Variants in ZNF705B observed in about 807,000 individuals in gnomAD.
ZNF705B encodes Putative zinc finger protein 705D-like protein LOC100132396.
ZNF705B carries 1 observed loss-of-function variant against 10.5 expected under a neutral mutation model. That is an observed-to-expected ratio of 0.10 (90% CI 0.03 to 0.45). The LOEUF is 0.45. Ranked by LOEUF, ZNF705B falls within the 20% of genes least tolerant of loss-of-function variation. The pLI is 0.97. For missense variants in ZNF705B, 14 were observed against 84.0 expected (o/e 0.17, Z 3.26); for synonymous variants, 4 against 25.4 (o/e 0.16, Z 2.53).
In ZNF705B at chr8:7,937,647, T is replaced by G. The variant is rs1217506494; in HGVS notation, c.-72+7211T>G. Among the ~76,000 whole-genome samples, 2 of 119,828 alleles carry G rather than the reference T, an allele frequency of 1.7e-5. 1 individual carries two copies. The highest frequency in any genetic ancestry group is 4.0e-5 in the Non-Finnish European group (2 of 50,426). 78.6% of individuals were successfully genotyped at this position (119,828 alleles called of 152,430 possible). A position where few individuals can be genotyped will look rare whatever the true frequency, so the allele number is the denominator to read the frequency against. On this transcript the variant is annotated intron_variant, in intron 2 of 6. Coordinates refer to ENST00000400120, the MANE Select transcript of ZNF705B (RefSeq NM_001193630.1). ...GCCAGGGTGACTATTTAACAAGTAC[T>G]AGTGAGACAGGAATTCAGTAATGCC... is the stretch of plus-strand genomic sequence containing the variant.
intron 2 of ZNF705B, among the ~76,000 whole-genome samples, chr8:7,935,274 C>A (rs958449486): frequency 7.2e-6 from 1 of 138,264 alleles, no homozygotes; most frequent in Non-Finnish European, 1.6e-5. Flanking sequence ...GAAACCATTG[C>A]ATATATTAAG....
rs558973407 is a variant in ZNF705B, at chr8:7,936,892, G to A, written c.-72+6456G>A. Among the ~76,000 whole-genome samples the A allele has an allele frequency of 1.4e-3, 164 of 119,484 alleles. 11 individuals are homozygous for A. Among genetic ancestry groups the A allele is most frequent in the African/African-American group, 3.6e-3 (139 of 38,972 alleles). 78.4% of individuals were successfully genotyped at this position (119,484 alleles called of 152,430 possible). On this transcript the variant is annotated intron_variant, in intron 2 of 6. Coordinates refer to ENST00000400120, the MANE Select transcript of ZNF705B (RefSeq NM_001193630.1). ...AAGGTTGAAGTTATTTTTAAAAATTGAAATTACAAAAGACTTTTTAAAATT... is the reference window on the plus strand; with the variant it reads ...AAGGTTGAAGTTATTTTTAAAAATTAAAATTACAAAAGACTTTTTAAAATT...
chr8:7,932,828 C>A lies in ZNF705B; in HGVS notation c.-72+2392C>A, dbSNP rs1396028741. On this transcript the variant is annotated intron_variant, in intron 2 of 6. Coordinates refer to ENST00000400120, the MANE Select transcript of ZNF705B (RefSeq NM_001193630.1). Reference sequence around the variant, plus strand: ...TACTCTTTCAATGACCAAGGGGAGGCCCCCCAGTACTTTACACAAAAAAGA... The same window carrying A: ...TACTCTTTCAATGACCAAGGGGAGGACCCCCAGTACTTTACACAAAAAAGA... Among the ~76,000 whole-genome samples, 2 of 106,956 alleles carry A rather than the reference C, an allele frequency of 1.9e-5. 1 individual carries two copies. The highest frequency in any genetic ancestry group is 4.5e-5 in the Non-Finnish European group (2 of 44,230). 70.2% of individuals were successfully genotyped at this position (106,956 alleles called of 152,430 possible). A position where few individuals can be genotyped will look rare whatever the true frequency, so the allele number is the denominator to read the frequency against.
chr8:7,927,507 G>T (rs1482805565), intron 1 of ZNF705B, among the ~76,000 whole-genome samples: 1 of 120,454 alleles, frequency 8.3e-6, no homozygotes, highest in Non-Finnish European at 2.0e-5. Flanking sequence ...CTTTTTGATG[G>T]GGTTGAAACT....
At chr8:7,931,616 G>C (rs1417221291) in intron 2 of ZNF705B, among the ~76,000 whole-genome samples, 1 of 122,222 alleles carries the variant, frequency 8.2e-6, no homozygotes, top group Non-Finnish European at 2.0e-5. Context: ...GGTGGGATGG[G>C]CCTGTGCTCT....
In ZNF705B at chr8:7,930,855, T is replaced by TTTG. The variant is rs1400403688; in HGVS notation, c.-72+434_-72+436dup. ...TTGTGTTATTTTTTTTGTTTTTTTT[T>TTTG]TTGTTGTTGTTGTTGTTTTGAGACA... On this transcript the variant is annotated intron_variant, in intron 2 of 6. Coordinates refer to ENST00000400120, the MANE Select transcript of ZNF705B (RefSeq NM_001193630.1). Among the ~76,000 whole-genome samples, 109 of 108,656 alleles carry TTTG rather than the reference T, an allele frequency of 1.0e-3. 4 individuals are homozygous for TTTG. Among genetic ancestry groups the TTTG allele is most frequent in the African/African-American group, 2.9e-3 (107 of 36,900 alleles). 71.3% of individuals were successfully genotyped at this position (108,656 alleles called of 152,430 possible).
chr8:7,932,681 T>C (rs1819882662), intron 2 of ZNF705B, among the ~76,000 whole-genome samples: 1 of 121,060 alleles, frequency 8.3e-6, no homozygotes, highest in East Asian at 2.3e-4. Flanking sequence ...TTGAACCCAA[T>C]GTTTTGAACT....
chr8:7,930,183 C>T (rs1437309227), intron 1 of ZNF705B, 104 bp from the exon 2 acceptor site: 1 of 118,558 alleles, frequency 8.4e-6, no homozygotes, highest in African/African-American at 2.6e-5. Flanking sequence ...ATGTTTATGT[C>T]CATGTCTGCT....
chr8:7,926,557 T>G lies in ZNF705B; in HGVS notation c.-222+160T>G, dbSNP rs1479904483. ...TTATTATTATTATTATTATCAGTAG[T>G]ATTATCACCATCATTATTTGCTGTG... is the stretch of plus-strand genomic sequence containing the variant. On this transcript the variant is annotated intron_variant, in intron 1 of 6. Coordinates refer to ENST00000400120, the MANE Select transcript of ZNF705B (RefSeq NM_001193630.1). 4.1e-4 allele frequency among the ~76,000 whole-genome samples: 44 copies of G among 108,062 alleles called. 1 individual carries two copies. The highest frequency in any genetic ancestry group is 9.9e-3 in the Middle Eastern group (2 of 202). The allele number at this position is 108,062 out of a possible 152,430, so 70.9% of individuals were successfully genotyped here. A position where few individuals can be genotyped will look rare whatever the true frequency, so the allele number is the denominator to read the frequency against.
intron 2 of ZNF705B, among the ~76,000 whole-genome samples, chr8:7,935,329 G>T (rs1257675214): frequency 6.8e-6 from 1 of 147,056 alleles, no homozygotes; most frequent in Non-Finnish European, 1.5e-5. Flanking sequence ...AACTATACTT[G>T]TTGAAAATAT....
At position 7,927,535 on chromosome 8, in the gene ZNF705B, T is replaced by C. The variant is rs375921170; in HGVS notation, c.-222+1138T>C. Among the ~76,000 whole-genome samples, 321 of 120,636 alleles carry C rather than the reference T, an allele frequency of 2.7e-3. 12 individuals carry two copies. The highest frequency in any genetic ancestry group is 7.1e-3 in the African/African-American group (282 of 39,800). 79.1% of individuals were successfully genotyped at this position (120,636 alleles called of 152,430 possible). The stretch of plus-strand genomic sequence containing the variant: ...TTGAAACTCTTGTGGTGATCCTAGT[T>C]AAAACACAACTCTGCGTGGATAGGT... On this transcript the variant is annotated intron_variant, in intron 1 of 6. Coordinates refer to ENST00000400120, the MANE Select transcript of ZNF705B (RefSeq NM_001193630.1).
intron 2 of ZNF705B, among the ~76,000 whole-genome samples, chr8:7,932,687 G>C (rs545794246): frequency 2.2e-4 from 26 of 120,636 alleles, no homozygotes; most frequent in African/African-American, 6.5e-4. Context: ...CCAATGTTTT[G>C]AACTTTTTGA....
intron 2 of ZNF705B, chr8:7,938,782 GA>G (rs1347759088): frequency 1.0e-5 from 14 of 1,339,078 alleles, no homozygotes; most frequent in African/African-American, 3.1e-5. Context: ...GCTGAAGAAA[GA>G]AAAAAGTTTG....
rs1302418716 is a variant in ZNF705B at position 7,930,854 on chromosome 8, T to G, written c.-72+418T>G. Among the ~76,000 whole-genome samples the G allele has an allele frequency of 5.5e-5, 6 of 109,298 alleles. 1 individual carries two copies. Among genetic ancestry groups the G allele is most frequent in the Non-Finnish European group, 1.3e-4 (6 of 44,898 alleles). The allele number at this position is 109,298 out of a possible 152,430, so 71.7% of individuals were successfully genotyped here. A position where few individuals can be genotyped will look rare whatever the true frequency, so the allele number is the denominator to read the frequency against. On this transcript the variant is annotated intron_variant, in intron 2 of 6. Coordinates refer to ENST00000400120, the MANE Select transcript of ZNF705B (RefSeq NM_001193630.1). The stretch of plus-strand genomic sequence containing the variant: ...GTTGTGTTATTTTTTTTGTTTTTTT[T>G]TTTGTTGTTGTTGTTGTTTTGAGAC...
chr8:7,929,533 T>C (rs943310639), intron 1 of ZNF705B, among the ~76,000 whole-genome samples: 1 of 121,582 alleles, frequency 8.2e-6, no homozygotes, highest in Non-Finnish European at 2.0e-5. Context: ...CACCAGAAAA[T>C]GCAAAATTAT....
At chr8:7,927,738 T>C (rs1432564088) in intron 1 of ZNF705B, among the ~76,000 whole-genome samples, 2 of 146,942 alleles carry the variant, frequency 1.4e-5, no homozygotes, top group African/African-American at 4.9e-5. Context: ...GAAACCAGGG[T>C]TATCTGACTT....
In ZNF705B at chr8:7,940,725, C is replaced by T. The variant is rs1178555436; in HGVS notation, c.-71-6626C>T. On this transcript the variant is annotated intron_variant, in intron 2 of 6. Coordinates refer to ENST00000400120, the MANE Select transcript of ZNF705B (RefSeq NM_001193630.1). ...CTGTGGTTGGCCTATTTCATATAACCTAATGCCCTCCAAGTCCATCCATGT... is the reference window on the plus strand; with the variant it reads ...CTGTGGTTGGCCTATTTCATATAACTTAATGCCCTCCAAGTCCATCCATGT... Among the ~76,000 whole-genome samples the T allele has an allele frequency of 6.1e-5, 9 of 146,396 alleles. No homozygotes were observed. The Admixed American group carries it at 6.3e-4, about 10-fold the overall frequency.
chr8:7,941,237 T>C (rs1435566109), intron 2 of ZNF705B, among the ~76,000 whole-genome samples: 3 of 145,314 alleles, frequency 2.1e-5, no homozygotes, highest in African/African-American at 7.5e-5. Flanking sequence ...GCGGTATTTC[T>C]GGTTGTAGGT....
chr8:7,931,708 G>T (rs1462220422), intron 2 of ZNF705B, among the ~76,000 whole-genome samples: 1 of 130,622 alleles, frequency 7.7e-6, no homozygotes, highest in African/African-American at 2.5e-5. Context: ...TGCTCCTGGG[G>T]GTCAGGATTG....
Sources: allele counts gnomAD v4.1 joint callset (sites outside exome capture counted in the v4.1 genomes callset), GRCh38; gene constraint gnomAD v4.1.1; transcripts MANE v1.5; gene names NCBI Gene and HGNC (gene_info 2026-07-23, HGNC 2026-07-21).